Variants in TTYH3 observed in about 807,000 individuals in gnomAD.
TTYH3 encodes the protein protein tweety homolog 3.
In TTYH3, 23 loss-of-function variants were observed where a neutral mutation model predicts 68.2. The ratio of observed to expected loss-of-function variants is 0.34; its 90% CI spans 0.24 to 0.48. TTYH3 has a LOEUF of 0.48. Ranked by LOEUF, TTYH3 falls within the 20% of genes least tolerant of loss-of-function variation. The pLI is 0.99. For missense variants in TTYH3, 768 were observed against 727.7 expected, an observed-to-expected ratio of 1.06 and a Z score of -0.64; for synonymous variants, 360 against 332.8, an observed-to-expected ratio of 1.08 and a Z score of -0.89.
intron 1 of TTYH3, among the ~76,000 whole-genome samples, chr7:2,632,767 G>A (rs1039280114): frequency 6.6e-6 from 1 of 152,242 alleles, no homozygotes; most frequent in Non-Finnish European, 1.5e-5. Context: ...GAGACTCCTC[G>A]CCCACTCACC....
At chr7:2,660,585 C>T (rs1786469085) in intron 13 of TTYH3, 2 of 976,880 alleles carry the variant, frequency 2.0e-6, no homozygotes, top group Admixed American at 6.1e-5. Context: ...CATCCCCTCC[C>T]CTTGTGCTGC....
At chr7:2,660,774 G>A (rs188086366) in intron 13 of TTYH3, among the ~76,000 whole-genome samples, 3 of 152,268 alleles carry the variant, frequency 2.0e-5, no homozygotes, top group East Asian at 3.9e-4. Flanking sequence ...GGGTTCTGAA[G>A]CCCTCCTGGG....
rs571710041 is a variant in TTYH3 at position 2,650,646 on chromosome 7, C to G, written c.871+658C>G. Among the ~76,000 whole-genome samples, 195 of 151,234 alleles carry G rather than the reference C, an allele frequency of 1.3e-3. 1 individual carries two copies. Among genetic ancestry groups the G allele is most frequent in the African/African-American group, 4.5e-3 (186 of 41,350 alleles). ...AGAGCCCCGAGGCAGGAGGCAGACC[C>G]GAGGGGAGAATGGAGGGTGGGAGGC... On this transcript the variant is annotated intron_variant, in intron 7 of 13. Transcript: ENST00000258796.
In TTYH3 at chr7:2,650,004, C is replaced by T. The variant is rs774511931; in HGVS notation, c.871+16C>T. 3.7e-5 allele frequency: 60 copies of T among 1,613,516 alleles called. 1 individual carries two copies. In the East Asian group the frequency reaches 4.2e-4, roughly 11 times the overall value. ...CTGAGTGGGGGTGAGTCTGTGTCCACGGCCGTGTCCCAGCGGGTTCCCCAG... is the reference window on the plus strand; with the variant it reads ...CTGAGTGGGGGTGAGTCTGTGTCCATGGCCGTGTCCCAGCGGGTTCCCCAG... On this transcript the variant is annotated intron_variant, in intron 7 of 13. Coordinates refer to ENST00000258796, the MANE Select transcript of TTYH3 (RefSeq NM_025250.3).
In TTYH3 at chr7:2,645,973, G is replaced by A. The variant is rs902226488; in HGVS notation, c.124-880G>A. 3.5e-4 allele frequency: 128 copies of A among 369,618 alleles called. No homozygotes were observed. The highest frequency in any genetic ancestry group is 7.3e-4 in the Admixed American group (21 of 28,776). The allele number at this position is 369,618 out of a possible 1,614,324, so 22.9% of individuals were successfully genotyped here. ...GGGGGTGAGGACAGTAGCTGATGCC[G>A]GCAGCCCCCTCCCCAGGGCTTCGCT... On this transcript the variant is annotated intron_variant, in intron 1 of 13. Coordinates refer to ENST00000258796, the MANE Select transcript of TTYH3 (RefSeq NM_025250.3). The surrounding 1 kb of genome is among the most constrained non-coding windows in gnomAD (Gnocchi z 4.8).
intron 1 of TTYH3, among the ~76,000 whole-genome samples, chr7:2,637,674 G>C (rs1159942269): frequency 6.6e-6 from 1 of 152,180 alleles, no homozygotes; most frequent in Non-Finnish European, 1.5e-5. Flanking sequence ...CATGGGAAGT[G>C]CCTGACGTGG....
Position 2,661,934 on chromosome 7 carries a change from G to A in TTYH3, c.*195G>A, listed in dbSNP as rs1057422744. The A allele has an allele frequency of 3.1e-6, 2 of 639,570 alleles. No individual in the cohort carries two copies. The highest frequency in any genetic ancestry group is 1.8e-5 in the African/African-American group (1 of 55,098). The allele number at this position is 639,570 out of a possible 1,614,324, so 39.6% of individuals were successfully genotyped here. ...GACGCAGGGGCTCTGGGCCCGTACC[G>A]CCAACTCGGGTCACACCTGAACGCT... is the stretch of plus-strand genomic sequence containing the variant. On this transcript the variant is annotated 3_prime_UTR_variant, in exon 14 of 14. Transcript: ENST00000258796.
In TTYH3 at chr7:2,659,029, C is replaced by T. The variant is rs936829780; in HGVS notation, c.1500+14C>T. On this transcript the variant is annotated intron_variant, in intron 13 of 13. Coordinates refer to ENST00000258796, the MANE Select transcript of TTYH3 (RefSeq NM_025250.3). ...CCGCCGCCCTCAGTAAGTCTTGGGG[C>T]AGGAGGGTGGATGGGGGGCTGCTCA... The T allele has an allele frequency of 5.6e-6, 9 of 1,612,560 alleles. No individual in the cohort carries two copies. Among genetic ancestry groups the T allele is most frequent in the Non-Finnish European group, 6.8e-6 (8 of 1,178,962 alleles).
intron 1 of TTYH3, among the ~76,000 whole-genome samples, chr7:2,632,956 C>T (rs1051163857): frequency 3.3e-5 from 5 of 152,070 alleles, no homozygotes; most frequent in Non-Finnish European, 4.4e-5. Context: ...GGAGGCCCGG[C>T]GGCCAGGAAG....
At position 2,646,768 on chromosome 7, in the gene TTYH3, C is replaced by G. The variant is rs137868424; in HGVS notation, c.124-85C>G. On this transcript the variant is annotated intron_variant, in intron 1 of 13. Transcript: ENST00000258796. ...GCTGGGGGCAGGATTAAATGGGAGT[C>G]TGCGCCAGGTCCCCTGCTGGGGCGG... The G allele has an allele frequency of 1.1e-3, 1,527 of 1,408,786 alleles. 12 individuals are homozygous for G. The African/African-American group carries it at 0.02, about 18-fold the overall frequency. The allele number at this position is 1,408,786 out of a possible 1,614,324, so 87.3% of individuals were successfully genotyped here. A position where few individuals can be genotyped will look rare whatever the true frequency, so the allele number is the denominator to read the frequency against.
chr7:2,644,434 G>A (rs1336251258), intron 1 of TTYH3, among the ~76,000 whole-genome samples: 1 of 152,228 alleles, frequency 6.6e-6, no homozygotes, highest in African/African-American at 2.4e-5. Flanking sequence ...CAAGTGACTG[G>A]ACTGTCTCCG....
intron 13 of TTYH3, among the ~76,000 whole-genome samples, chr7:2,661,291 C>T (rs772009028): frequency 1.3e-5 from 2 of 152,156 alleles, no homozygotes; most frequent in African/African-American, 2.4e-5. Flanking sequence ...GTCCTGGGTG[C>T]GTAAGGTGCA....
intron 11 of TTYH3, among the ~76,000 whole-genome samples, chr7:2,657,457 G>C (rs1450236795): frequency 1.3e-5 from 2 of 152,014 alleles, no homozygotes; most frequent in Non-Finnish European, 2.9e-5. Flanking sequence ...TGTTGATGTT[G>C]GTGATGGTGA....
At chr7:2,641,672 G>A (rs1275412972) in intron 1 of TTYH3, among the ~76,000 whole-genome samples, 2 of 152,250 alleles carry the variant, frequency 1.3e-5, no homozygotes, top group Non-Finnish European at 2.9e-5. Flanking sequence ...GGGGCGGAGG[G>A]GCCGCCAGCC....
At chr7:2,643,961 G>A (rs1184343398) in intron 1 of TTYH3, among the ~76,000 whole-genome samples, 1 of 152,186 alleles carries the variant, frequency 6.6e-6, no homozygotes, top group Non-Finnish European at 1.5e-5. Context: ...ATGTCCCACC[G>A]GAGCACAGGG....
chr7:2,649,666 C>T (rs759752144), intron 6 of TTYH3, 27 bp downstream of exon 6: 4 of 1,583,744 alleles, frequency 2.5e-6, no homozygotes, highest in East Asian at 2.3e-5. Context: ...GTGAGGTCCC[C>T]GGCTGCTGGA....
In TTYH3 at chr7:2,647,158, G is replaced by T; in HGVS notation, c.310G>T (p.Gly104Ter). The change falls in exon 3 of 14, where the codon GGA becomes TGA. Residue 104 changes from glycine (G) to a stop codon, truncating the protein, a stop_gained. Transcript: ENST00000258796. LOFTEE classifies it high-confidence loss of function. ...CCTCTCCAGCGCCGGCATCGCAGTG[G>T]GATTCTACGGCAACGGGGAGACCAG... ...TLVCSAGIAV[G>*]FYGNGETSDG... The T allele has an allele frequency of 1.2e-6, 2 of 1,605,642 alleles. No homozygotes were observed. Among genetic ancestry groups the T allele is most frequent in the Admixed American group, 1.7e-5 (1 of 59,302 alleles).
intron 1 of TTYH3, among the ~76,000 whole-genome samples, chr7:2,646,351 C>G (rs894927717): frequency 6.6e-6 from 1 of 152,194 alleles, no homozygotes; most frequent in East Asian, 1.9e-4. Context: ...AAACCAGGCT[C>G]GGAGAGGTGG....
intron 1 of TTYH3, among the ~76,000 whole-genome samples, chr7:2,638,852 C>T (rs529241577): frequency 1.3e-5 from 2 of 152,182 alleles, no homozygotes; most frequent in East Asian, 1.9e-4. Context: ...CTGGACCCCC[C>T]ACTTGTGCAA....
Sources: gnomAD v4.1 joint callset for allele counts (sites outside exome capture counted in the v4.1 genomes callset) on GRCh38, gnomAD v4.1.1 for gene constraint, Gnocchi (gnomAD v3.1) non-coding constraint, MANE v1.5 for transcripts, NCBI Gene and HGNC (gene_info 2026-07-23, HGNC 2026-07-21) for gene names.